EIF4G3: variants seen among roughly 807,000 people sequenced by gnomAD.
EIF4G3 encodes eIF-4-gamma 3.
In EIF4G3, 34 loss-of-function variants were observed where a neutral mutation model predicts 186.4. The observed-to-expected ratio is 0.18, with a 90% CI of 0.14 to 0.24. The LOEUF (loss-of-function observed/expected upper bound fraction) is 0.24. Ranked by LOEUF, EIF4G3 falls within the 10% of genes least tolerant of loss-of-function variation. The probability of loss-of-function intolerance (pLI) is 1.00; values close to 1 mark genes in which losing one functional copy is unlikely to be tolerated. For missense variants in EIF4G3, 1,536 were observed against 1,948.5 expected, an observed-to-expected ratio of 0.79 and a Z score of 3.99; for synonymous variants, 673 against 679.5, an observed-to-expected ratio of 0.99 and a Z score of 0.15.
intron 2 of EIF4G3, among the ~76,000 whole-genome samples, chr1:21,125,942 G>A (rs34717043): frequency 0.027 from 4,165 of 151,466 alleles, 86 homozygotes; most frequent in Non-Finnish European, 0.038. Context: ...AGTGCCTCAC[G>A]CCTATAATCC....
chr1:21,097,122 G>C (rs1337153521), intron 2 of EIF4G3, among the ~76,000 whole-genome samples: 1 of 152,202 alleles, frequency 6.6e-6, no homozygotes, highest in Admixed American at 6.5e-5. Context: ...GGAATAGTCA[G>C]AGGAGATTCT....
At chr1:21,141,449 A>G (rs2097336758) in intron 2 of EIF4G3, among the ~76,000 whole-genome samples, 1 of 151,510 alleles carries the variant, frequency 6.6e-6, no homozygotes, top group Non-Finnish European at 1.5e-5. Context: ...TTTTATTTCA[A>G]AAGAACTTTT....
At chr1:21,033,371 AAG>A (rs1489708936) in intron 4 of EIF4G3, among the ~76,000 whole-genome samples, 1 of 152,186 alleles carries the variant, frequency 6.6e-6, no homozygotes, top group African/African-American at 2.4e-5. Flanking sequence ...ACTGATATGA[AAG>A]AGTTAAGAAA....
At chr1:20,927,089 G>A (rs2094957777) in intron 14 of EIF4G3, among the ~76,000 whole-genome samples, 2 of 150,840 alleles carry the variant, frequency 1.3e-5, no homozygotes, top group African/African-American at 2.4e-5. Flanking sequence ...TGTTGCCCAG[G>A]CTGGAGTGCA....
At chr1:21,170,576 C>G (rs2097941427) in intron 2 of EIF4G3, among the ~76,000 whole-genome samples, 1 of 151,976 alleles carries the variant, frequency 6.6e-6, no homozygotes, top group Non-Finnish European at 1.5e-5. Context: ...GAAGCTAAGG[C>G]AGGAGAATCA....
At chr1:20,934,544 A>G (rs2095452228) in intron 14 of EIF4G3, among the ~76,000 whole-genome samples, 1 of 152,180 alleles carries the variant, frequency 6.6e-6, no homozygotes, top group South Asian at 2.1e-4. Context: ...TGTTCTCAAT[A>G]AAGAAGGAGA....
intron 14 of EIF4G3, among the ~76,000 whole-genome samples, chr1:20,913,038 G>A (rs1433846456): frequency 6.6e-6 from 1 of 152,122 alleles, no homozygotes. Flanking sequence ...ACTGAGAGAT[G>A]GCAACCAAAA....
At chr1:20,967,051 A>T (rs766780798) in intron 12 of EIF4G3, among the ~76,000 whole-genome samples, 2 of 151,170 alleles carry the variant, frequency 1.3e-5, no homozygotes, top group African/African-American at 2.4e-5. Flanking sequence ...GATGTGCTTT[A>T]TGATTATAGA....
intron 4 of EIF4G3, among the ~76,000 whole-genome samples, chr1:21,012,838 C>G (rs1490469612): frequency 6.6e-6 from 1 of 152,106 alleles, no homozygotes; most frequent in Non-Finnish European, 1.5e-5. Context: ...ATCCACAGAT[C>G]CTCTAAAAGA....
chr1:21,127,256 C>A (rs1342497852), intron 2 of EIF4G3, among the ~76,000 whole-genome samples: 1 of 152,148 alleles, frequency 6.6e-6, no homozygotes, highest in Non-Finnish European at 1.5e-5. Flanking sequence ...GGATTACAGG[C>A]GTGATCTACC....
intron 14 of EIF4G3, among the ~76,000 whole-genome samples, chr1:20,912,653 G>C (rs1266963262): frequency 6.6e-6 from 1 of 152,140 alleles, no homozygotes; most frequent in Non-Finnish European, 1.5e-5. Flanking sequence ...TCTAATAATG[G>C]AACTTTCAGT....
At chr1:21,045,625 C>G (rs1404155374) in intron 4 of EIF4G3, among the ~76,000 whole-genome samples, 1 of 152,070 alleles carries the variant, frequency 6.6e-6, no homozygotes, top group Non-Finnish European at 1.5e-5. Flanking sequence ...GAAAAAAGAC[C>G]TAGATTTTGA....
chr1:20,892,811 A>C, intron 18 of EIF4G3: 2 of 937,694 alleles, frequency 2.1e-6, no homozygotes, highest in Non-Finnish European at 3.2e-6. Flanking sequence ...TCAAAACAAA[A>C]CAGGAATCTT....
At chr1:21,137,912 T>C (rs1438981121) in intron 2 of EIF4G3, among the ~76,000 whole-genome samples, 2 of 151,964 alleles carry the variant, frequency 1.3e-5, no homozygotes, top group Non-Finnish European at 2.9e-5. Context: ...AAATGTAATA[T>C]TTTTAAAAAG....
chr1:21,175,709 A>G (rs2098087449), intron 2 of EIF4G3: 1 of 152,260 alleles, frequency 6.6e-6, no homozygotes, highest in African/African-American at 2.4e-5. Context: ...ATTTACCGAT[A>G]AAGTTTATTA....
In EIF4G3 at chr1:20,952,153, ACTT is replaced by A. The variant is rs1439568905; in HGVS notation, c.715-2045_715-2043del. Among the ~76,000 whole-genome samples, 14 of 104,104 alleles carry A rather than the reference ACTT, an allele frequency of 1.3e-4. No homozygotes were observed. In the Admixed American group the frequency reaches 2.1e-3, roughly 16 times the overall value. 68.3% of individuals were successfully genotyped at this position (104,104 alleles called of 152,430 possible). A position where few individuals can be genotyped will look rare whatever the true frequency, so the allele number is the denominator to read the frequency against. On this transcript the variant is annotated intron_variant, in intron 12 of 36. Coordinates refer to ENST00000602326, the MANE Select transcript of EIF4G3 (RefSeq NM_001391906.1). ...ATAACGTATTAACATATAATTCAACACTTTTTTTTTTTTTTTTTTTGAGACGGA... is the reference window on the plus strand; with the variant it reads ...ATAACGTATTAACATATAATTCAACATTTTTTTTTTTTTTTTTGAGACGGA...
At chr1:20,904,639 T>C (rs1048527340) in intron 15 of EIF4G3, among the ~76,000 whole-genome samples, 5 of 152,216 alleles carry the variant, frequency 3.3e-5, no homozygotes, top group African/African-American at 1.2e-4. Context: ...TTAGCCACTG[T>C]GCCTGGCCAA....
chr1:20,878,702 G>A (rs2081511286), intron 20 of EIF4G3, among the ~76,000 whole-genome samples: 1 of 152,188 alleles, frequency 6.6e-6, no homozygotes, highest in Non-Finnish European at 1.5e-5. Context: ...ATAACAGGAA[G>A]AGAAAACAGA....
intron 20 of EIF4G3, among the ~76,000 whole-genome samples, chr1:20,875,467 T>A (rs908867930): frequency 2.0e-5 from 3 of 152,224 alleles, no homozygotes; most frequent in African/African-American, 7.2e-5. Flanking sequence ...ATTTTGTGAG[T>A]CTTGTCAAAC....
Sources: allele counts gnomAD v4.1 joint callset (sites outside exome capture counted in the v4.1 genomes callset), GRCh38; gene constraint gnomAD v4.1.1; transcripts MANE v1.5; gene names NCBI Gene and HGNC (gene_info 2026-07-23, HGNC 2026-07-21).